The following EHMT1 variants were observed in gnomAD, a reference collection of about 807,000 sequenced individuals.
EHMT1 encodes euchromatic histone lysine methyltransferase 1.
EHMT1 carries 15 observed loss-of-function variants against 147.2 expected under a neutral mutation model. The ratio of observed to expected loss-of-function variants is 0.10; its 90% confidence interval spans 0.07 to 0.16. EHMT1 has a LOEUF of 0.16. Ranked by LOEUF, EHMT1 falls within the 10% of genes least tolerant of loss-of-function variation. The pLI, the probability that EHMT1 is intolerant of heterozygous loss-of-function variation, is 1.00. For synonymous variants in EHMT1, 795 were observed against 709.6 expected (o/e 1.12, Z -1.91); for missense variants, 1,587 against 1,772.4 (o/e 0.90, Z 1.88).
At chr9:137,667,695 A>C (rs1939826630) in intron 1 of EHMT1, among the ~76,000 whole-genome samples, 1 of 152,170 alleles carries the variant, frequency 6.6e-6, no homozygotes, top group Non-Finnish European at 1.5e-5. Context: ...ACCAAGAGGA[A>C]AAGTTCATGT....
intron 1 of EHMT1, among the ~76,000 whole-genome samples, chr9:137,648,003 C>G (rs1166044979): frequency 6.6e-6 from 1 of 152,156 alleles, no homozygotes; most frequent in African/African-American, 2.4e-5. Context: ...CCTTCCTTCC[C>G]CATTTGTTTG....
intron 1 of EHMT1, among the ~76,000 whole-genome samples, chr9:137,699,442 G>T (rs1943657616): frequency 6.6e-6 from 1 of 152,174 alleles, no homozygotes; most frequent in African/African-American, 2.4e-5. Flanking sequence ...GGAGGCCGAA[G>T]TGGGCAGATC....
intron 18 of EHMT1, among the ~76,000 whole-genome samples, chr9:137,807,056 C>T (rs182547293): frequency 4.7e-4 from 71 of 152,246 alleles, no homozygotes; most frequent in Admixed American, 2.3e-3. Context: ...TGTGTGTGTG[C>T]ACGTAGGGTT....
intron 1 of EHMT1, among the ~76,000 whole-genome samples, chr9:137,627,203 C>T (rs1276589349): frequency 6.6e-6 from 1 of 151,868 alleles, no homozygotes. Context: ...AGGTGACCCA[C>T]CCCCCTTGCC....
chr9:137,661,380 C>CTA, intron 1 of EHMT1, among the ~76,000 whole-genome samples: 2 of 151,400 alleles, frequency 1.3e-5, no homozygotes, highest in South Asian at 4.2e-4. Context: ...CTCAACAGAA[C>CTA]TATACTTTTT....
At chr9:137,817,686 G>GTGCTGTCCTCAGTCCTCT (rs1384844615) in intron 24 of EHMT1, 161 bp downstream of exon 24, 332 of 875,248 alleles carry the variant, frequency 3.8e-4, no homozygotes, top group Non-Finnish European at 3.4e-4. Context: ...AACCAAGCTC[G>GTGCTGTCCTCAGTCCTCT]TGCTGTCCTC....
At chr9:137,657,714 C>T (rs556998068) in intron 1 of EHMT1, among the ~76,000 whole-genome samples, 4 of 151,932 alleles carry the variant, frequency 2.6e-5, no homozygotes, top group African/African-American at 9.7e-5. Context: ...TGCAATAGAC[C>T]ATTGTTGACT....
intron 9 of EHMT1, 33 bp downstream of exon 9, chr9:137,758,044 C>T: frequency 6.2e-7 from 1 of 1,613,738 alleles, no homozygotes; most frequent in Non-Finnish European, 8.5e-7. Context: ...GACCGGGCAC[C>T]ATCTTGGTCC....
chr9:137,833,203 C>T (rs371351980), intron 25 of EHMT1, among the ~76,000 whole-genome samples: 50 of 152,262 alleles, frequency 3.3e-4, no homozygotes, highest in African/African-American at 1.2e-3. Flanking sequence ...AGGTTGTGGA[C>T]CAGGTGTCTC....
intron 1 of EHMT1, among the ~76,000 whole-genome samples, chr9:137,620,495 A>C (rs1031130034): frequency 2.0e-5 from 3 of 152,150 alleles, no homozygotes. Context: ...TGCTCACTGC[A>C]GCTTCGACCA....
At position 137,813,269 on chromosome 9, in the gene EHMT1, C is replaced by T. The variant is rs1954640771; in HGVS notation, c.3035+96C>T. The T allele has an allele frequency of 6.4e-7, 1 of 1,559,962 alleles. No individual in the cohort carries two copies. The highest frequency in any genetic ancestry group is 1.4e-5 in the African/African-American group (1 of 74,046). ...GCTGCTCCTGAAGCCGAAACATCCC[C>T]AGGCTGCAGTCCAAATTGTCAGGGC... On this transcript the variant is annotated intron_variant, in intron 20 of 26. Transcript: ENST00000460843. The surrounding 1 kb of genome is among the most constrained non-coding windows in gnomAD (Gnocchi z 4.9).
intron 1 of EHMT1, chr9:137,637,666 G>T (rs550382528): frequency 6.6e-6 from 1 of 152,242 alleles, no homozygotes; most frequent in East Asian, 1.9e-4. Flanking sequence ...TTGTGTATTT[G>T]GTGCAAAGGT....
At chr9:137,684,343 A>C (rs915133289) in intron 1 of EHMT1, among the ~76,000 whole-genome samples, 3 of 152,066 alleles carry the variant, frequency 2.0e-5, no homozygotes, top group Non-Finnish European at 4.4e-5. Context: ...AACTGTTTTT[A>C]ATTTGAAATA....
rs116607671 is a variant in EHMT1, at chr9:137,740,557, C to T, written c.824-2814C>T. ...CCCTTCCCTGGACACAGCTGGAAGT[C>T]CCCCTGCAGGACTGAAGCGGCTCCT... is the stretch of plus-strand genomic sequence containing the variant. On this transcript the variant is annotated intron_variant, in intron 4 of 26. Coordinates refer to ENST00000460843, the MANE Select transcript of EHMT1 (RefSeq NM_024757.5). 7.1e-3 allele frequency among the ~76,000 whole-genome samples: 1,086 copies of T among 152,358 alleles called. 8 individuals carry two copies. Among genetic ancestry groups the T allele is most frequent in the African/African-American group, 0.025 (1,024 of 41,578 alleles).
chr9:137,692,975 A>C (rs1943070706), intron 1 of EHMT1, among the ~76,000 whole-genome samples: 1 of 152,202 alleles, frequency 6.6e-6, no homozygotes, highest in Non-Finnish European at 1.5e-5. Flanking sequence ...TTGTCCTTGG[A>C]ATCGGCTGGA....
chr9:137,798,153 C>T (rs912177487), intron 16 of EHMT1, among the ~76,000 whole-genome samples: 3 of 152,164 alleles, frequency 2.0e-5, no homozygotes, highest in East Asian at 1.9e-4. Context: ...ACGATGCCTA[C>T]GACTCCCAGA....
chr9:137,707,228 G>T (rs886465200), intron 1 of EHMT1, among the ~76,000 whole-genome samples: 3 of 152,356 alleles, frequency 2.0e-5, no homozygotes, highest in African/African-American at 7.2e-5. Context: ...GCTGCTTGGG[G>T]GGGCTGGTCT....
At chr9:137,686,011 C>T (rs1394342990) in intron 1 of EHMT1, among the ~76,000 whole-genome samples, 1 of 152,230 alleles carries the variant, frequency 6.6e-6, no homozygotes, top group African/African-American at 2.4e-5. Context: ...CCCCTGGACT[C>T]AGGTGGCACT....
In EHMT1 at chr9:137,813,033, C is replaced by A; in HGVS notation, c.2895C>A (p.Val965=). 1 of 1,614,078 alleles carries A rather than the reference C, an allele frequency of 6.2e-7. No homozygotes were observed. Among genetic ancestry groups the A allele is most frequent in the Non-Finnish European group, 8.5e-7 (1 of 1,180,028 alleles). ...VVLFLSRDSD[V]TLKNKEGETP... ...TCTTTCTTTCTCGGGATTCAGATGT[C>A]ACCTTAAAGAACAAGGAAGGAGAGA... is the stretch of plus-strand genomic sequence containing the variant. The change falls in exon 20 of 27, where the codon GTC becomes GTA. Residue 965 remains valine (V), a synonymous_variant. Coordinates refer to ENST00000460843, the MANE Select transcript of EHMT1 (RefSeq NM_024757.5). The surrounding 1 kb of genome is among the most constrained non-coding windows in gnomAD (Gnocchi z 4.9).
Sources: allele counts gnomAD v4.1 joint callset (sites outside exome capture counted in the v4.1 genomes callset), GRCh38; gene constraint gnomAD v4.1.1; non-coding constraint Gnocchi (gnomAD v3.1); transcripts MANE v1.5; gene names NCBI Gene and HGNC (gene_info 2026-07-23, HGNC 2026-07-21).